The following C1orf21 variants were observed in gnomAD, a reference collection of about 807,000 sequenced individuals.
C1orf21 encodes chromosome 1 open reading frame 21, also known as uncharacterized protein C1orf21.
Under a neutral mutation model 18.7 loss-of-function variants are expected in C1orf21, and 3 were observed. The observed-to-expected ratio is 0.16, with a 90% CI of 0.07 to 0.42. The LOEUF is 0.42. C1orf21 is among the 10% of genes least tolerant of loss of function. The pLI, the probability that C1orf21 is intolerant of heterozygous loss-of-function variation, is 0.99. For missense variants in C1orf21, 104 were observed against 143.6 expected (o/e 0.72, Z 1.41); for synonymous variants, 41 against 46.4 (o/e 0.88, Z 0.47).
intron 1 of C1orf21, among the ~76,000 whole-genome samples, chr1:184,393,333 C>T (rs547307199): frequency 1.7e-3 from 264 of 152,248 alleles, no homozygotes; most frequent in African/African-American, 6.1e-3. Flanking sequence ...CTACTTTGCC[C>T]CACACCTCCT....
rs562859427 is a variant in C1orf21 at position 184,619,746 on chromosome 1, C to CA, written c.*198dup. On this transcript the variant is annotated 3_prime_UTR_variant, in exon 6 of 6. Transcript: ENST00000235307. ...GCAAAGGAATATTGCTAAAAACAAACAAAAAAAACTGTTATCGAACTTTCT... is the reference window on the plus strand; with the variant it reads ...GCAAAGGAATATTGCTAAAAACAAACAAAAAAAAACTGTTATCGAACTTTCT... 1.9e-4 allele frequency: 90 copies of CA among 471,486 alleles called. No homozygotes were observed. The highest frequency in any genetic ancestry group is 1.1e-3 in the Admixed American group (26 of 23,202). The allele number at this position is 471,486 out of a possible 1,614,324, so 29.2% of individuals were successfully genotyped here. A position where few individuals can be genotyped will look rare whatever the true frequency, so the allele number is the denominator to read the frequency against.
chr1:184,432,598 C>T (rs1245058489), intron 1 of C1orf21, among the ~76,000 whole-genome samples: 2 of 151,900 alleles, frequency 1.3e-5, no homozygotes, highest in South Asian at 2.1e-4. Context: ...AGCAAACCAC[C>T]GTGGCACATG....
intron 5 of C1orf21, among the ~76,000 whole-genome samples, chr1:184,611,579 G>A (rs944065957): frequency 3.3e-5 from 5 of 152,198 alleles, no homozygotes; most frequent in South Asian, 2.1e-4. Context: ...GAAACATACA[G>A]ATTCTTATGG....
intron 3 of C1orf21, among the ~76,000 whole-genome samples, chr1:184,524,961 GGAGTACATTGA>G (rs1162502448): frequency 1.3e-5 from 2 of 151,970 alleles, no homozygotes; most frequent in African/African-American, 4.8e-5. Context: ...ATTAGTCTGA[GGAGTACATTGA>G]GATTACCTCT....
intron 4 of C1orf21, among the ~76,000 whole-genome samples, chr1:184,591,387 TGAGGTAGGGAAGA>T (rs1174059279): frequency 6.6e-6 from 1 of 152,124 alleles, no homozygotes; most frequent in Non-Finnish European, 1.5e-5. Flanking sequence ...ACTATGACCA[TGAGGTAGGGAAGA>T]ATTTTGCATA....
intron 4 of C1orf21, 43 bp downstream of exon 4, chr1:184,590,858 T>C (rs1190320949): frequency 1.3e-6 from 2 of 1,487,980 alleles, no homozygotes; most frequent in Non-Finnish European, 1.9e-6. Context: ...CGGCCTTCCA[T>C]ATCCATGGAT....
intron 3 of C1orf21, among the ~76,000 whole-genome samples, chr1:184,516,142 G>T (rs1418891867): frequency 6.6e-6 from 1 of 152,034 alleles, no homozygotes; most frequent in Non-Finnish European, 1.5e-5. Context: ...CTGTTTCCAG[G>T]TATCTATGTA....
intron 2 of C1orf21, among the ~76,000 whole-genome samples, chr1:184,497,471 G>C (rs767245705): frequency 6.6e-6 from 1 of 152,236 alleles, no homozygotes; most frequent in Non-Finnish European, 1.5e-5. Context: ...GCCTCCCCGC[G>C]TGCACACACG....
At chr1:184,500,529 C>T (rs756472406) in intron 2 of C1orf21, among the ~76,000 whole-genome samples, 8 of 152,154 alleles carry the variant, frequency 5.3e-5, no homozygotes, top group Non-Finnish European at 8.8e-5. Flanking sequence ...GGGCAAGACC[C>T]TAGGATTGCT....
chr1:184,488,578 G>A (rs1424754771), intron 2 of C1orf21, among the ~76,000 whole-genome samples: 3 of 152,120 alleles, frequency 2.0e-5, no homozygotes, highest in South Asian at 2.1e-4. Flanking sequence ...AAGATATTCT[G>A]TTATTTGTGA....
chr1:184,464,239 CAT>C (rs1657353739), intron 1 of C1orf21, among the ~76,000 whole-genome samples: 1 of 152,180 alleles, frequency 6.6e-6, no homozygotes, highest in African/African-American at 2.4e-5. Flanking sequence ...GGACAAGAAA[CAT>C]ATATCTGTGC....
At chr1:184,559,498 C>CCTCTCTCTTT (rs1658923794) in intron 3 of C1orf21, among the ~76,000 whole-genome samples, 1 of 128,794 alleles carries the variant, frequency 7.8e-6, no homozygotes, top group African/African-American at 3.4e-5. Context: ...TTCCTTCCTT[C>CCTCTCTCTTT]CTTCCCCCCT....
At chr1:184,516,915 T>C (rs1043102731) in intron 3 of C1orf21, among the ~76,000 whole-genome samples, 2 of 152,216 alleles carry the variant, frequency 1.3e-5, no homozygotes, top group African/African-American at 4.8e-5. Flanking sequence ...TATGAGCTCT[T>C]TGGAGCAGTG....
At position 184,601,758 on chromosome 1, in the gene C1orf21, G is replaced by A. The variant is rs146719835; in HGVS notation, c.327+3297G>A. On this transcript the variant is annotated intron_variant, in intron 5 of 5. Transcript: ENST00000235307. Reference sequence around the variant, plus strand: ...TCTACTAAAGGTACAAAAATTAGCCGGGCGTGGTGGCACACGCCTGTAGTC... The same window carrying A: ...TCTACTAAAGGTACAAAAATTAGCCAGGCGTGGTGGCACACGCCTGTAGTC... 5.8e-3 allele frequency among the ~76,000 whole-genome samples: 885 copies of A among 152,122 alleles called. 11 individuals carry two copies. Among genetic ancestry groups the A allele is most frequent in the African/African-American group, 0.02 (835 of 41,490 alleles).
intron 2 of C1orf21, among the ~76,000 whole-genome samples, chr1:184,503,101 A>G (rs1658002832): frequency 6.6e-6 from 1 of 150,926 alleles, no homozygotes; most frequent in South Asian, 2.1e-4. Context: ...AAAAAAAAAA[A>G]AGATGTATCA....
intron 3 of C1orf21, among the ~76,000 whole-genome samples, chr1:184,532,640 A>G (rs72737703): frequency 0.044 from 6,750 of 152,280 alleles, 214 homozygotes; most frequent in Non-Finnish European, 0.072. Context: ...CCAGCTACTC[A>G]GGAGGCTGAA....
intron 1 of C1orf21, among the ~76,000 whole-genome samples, chr1:184,392,160 A>G (rs989806499): frequency 2.6e-5 from 4 of 152,234 alleles, no homozygotes; most frequent in Non-Finnish European, 5.9e-5. Context: ...TAATATTTAT[A>G]GTGTGCCTTA....
rs79414667 is a variant in C1orf21 at position 184,391,730 on chromosome 1, C to T, written c.-125+4362C>T. On this transcript the variant is annotated intron_variant, in intron 1 of 5. Transcript: ENST00000235307. ...ATTTCTTTCTTTCTTTTTTTTTTTT[C>T]GAGACAGAGTCTTGCTCCGTCACCC... Among the ~76,000 whole-genome samples, 5 of 145,994 alleles carry T rather than the reference C, an allele frequency of 3.4e-5. No homozygotes were observed. In the East Asian group the frequency reaches 5.9e-4, roughly 17 times the overall value.
rs1656327119 is a variant in C1orf21 at position 184,410,642 on chromosome 1, TATA to T, written c.-125+23275_-125+23277del. ...TTATATATATATATATATATATATA[TATA>T]TATATATATATATATATATTTTTTT... On this transcript the variant is annotated intron_variant, in intron 1 of 5. Transcript: ENST00000235307. Among the ~76,000 whole-genome samples, 2 of 5,380 alleles carry T rather than the reference TATA, an allele frequency of 3.7e-4. 1 individual carries two copies. The highest frequency in any genetic ancestry group is 9.0e-3 in the African/African-American group (2 of 222). The allele number at this position is 5,380 out of a possible 152,430, so 3.5% of individuals were successfully genotyped here.
Sources: allele counts gnomAD v4.1 joint callset (sites outside exome capture counted in the v4.1 genomes callset), GRCh38; gene constraint gnomAD v4.1.1; transcripts MANE v1.5; gene names NCBI Gene and HGNC (gene_info 2026-07-23, HGNC 2026-07-21).